Variants in KCNT1 observed in about 807,000 individuals in gnomAD.
The protein encoded by KCNT1 is potassium sodium-activated channel subfamily T member 1, also known as potassium channel subfamily T member 1.
In KCNT1, 78 loss-of-function variants were observed where a neutral mutation model predicts 147.8. The ratio of observed to expected loss-of-function variants is 0.53; its 90% confidence interval spans 0.44 to 0.64. The LOEUF is 0.64. KCNT1 is among the 30% of genes least tolerant of loss of function. The pLI, the probability that KCNT1 is intolerant of heterozygous loss-of-function variation, is 0.00. For missense variants in KCNT1, 1,419 were observed against 1,750.3 expected (o/e 0.81, Z 3.38); for synonymous variants, 867 against 748.8 (o/e 1.16, Z -2.58).
intron 2 of KCNT1, among the ~76,000 whole-genome samples, chr9:135,733,958 C>G (rs1781836162): frequency 6.6e-6 from 1 of 151,206 alleles, no homozygotes; most frequent in Non-Finnish European, 1.5e-5. Flanking sequence ...TGTCCCTCCC[C>G]CCTAGTCCTT....
Position 135,787,348 on chromosome 9 carries a change from G to A in KCNT1, c.3502+827G>A, listed in dbSNP as rs560314808. ...CCCTCACTCTAGAGATGCTACCTCC[G>A]TTGATGAAGCCATGGGCCCCAGCTC... On this transcript the variant is annotated intron_variant, in intron 29 of 30. Coordinates refer to ENST00000371757, the MANE Select transcript of KCNT1 (RefSeq NM_020822.3). 3.9e-5 allele frequency among the ~76,000 whole-genome samples: 6 copies of A among 152,270 alleles called. No homozygotes were observed. The East Asian group carries it at 5.8e-4, about 15-fold the overall frequency.
At position 135,730,401 on chromosome 9, in the gene KCNT1, T is replaced by C. The variant is rs996093256; in HGVS notation, c.254+15681T>C. ...ACGTGGTGAGGGGGATTAGCAGATA[T>C]GATTAAGTGGAGGGCCTTGAAGATG... On this transcript the variant is annotated intron_variant, in intron 2 of 30. Transcript: ENST00000371757. This position sits in a 1 kb window ranked among gnomAD's most constrained non-coding sequence, Gnocchi z 4.7. Among the ~76,000 whole-genome samples the C allele has an allele frequency of 6.6e-6, 1 of 152,036 alleles. No individual in the cohort carries two copies. The highest frequency in any genetic ancestry group is 1.5e-5 in the Non-Finnish European group (1 of 68,010).
Position 135,784,943 on chromosome 9 carries a change from C to T in KCNT1, c.3156+54C>T. On this transcript the variant is annotated intron_variant, in intron 27 of 30. Coordinates refer to ENST00000371757, the MANE Select transcript of KCNT1 (RefSeq NM_020822.3). ...GTGGCAGCCCCTGTCCTGTGTGACC[C>T]ACAGCATCCCCACCTTCCGGGGGCT... 4 of 1,585,022 alleles carry T rather than the reference C, an allele frequency of 2.5e-6. No homozygotes were observed. In the South Asian group the frequency reaches 4.5e-5, roughly 18 times the overall value.
At position 135,759,583 on chromosome 9, in the gene KCNT1, G is replaced by A. The variant is rs980836094; in HGVS notation, c.855-96G>A. ...CTGGTGATGCACAGCTCAGTCTCCT[G>A]GGCAGTGAGGGTCCCGTGGGCAGGC... is the stretch of plus-strand genomic sequence containing the variant. On this transcript the variant is annotated intron_variant, in intron 10 of 30. Transcript: ENST00000371757. 1.5e-5 allele frequency: 21 copies of A among 1,356,860 alleles called. 1 individual carries two copies. Among genetic ancestry groups the A allele is most frequent in the Admixed American group, 2.5e-5 (1 of 39,692 alleles). 84.1% of individuals were successfully genotyped at this position (1,356,860 alleles called of 1,614,324 possible). A position where few individuals can be genotyped will look rare whatever the true frequency, so the allele number is the denominator to read the frequency against.
chr9:135,726,841 GTCTC>G (rs1285997756), intron 2 of KCNT1, among the ~76,000 whole-genome samples: 1 of 26,112 alleles, frequency 3.8e-5, no homozygotes, highest in Non-Finnish European at 7.4e-5. Context: ...CTCTCTCCCT[GTCTC>G]TCTCCCTCCC....
chr9:135,774,182 GAT>G (rs1394887012), intron 19 of KCNT1, among the ~76,000 whole-genome samples: 3 of 149,966 alleles, frequency 2.0e-5, no homozygotes, highest in Non-Finnish European at 3.0e-5. Context: ...CCGTGTGTGT[GAT>G]GTGTGTCTGA....
At position 135,703,940 on chromosome 9, in the gene KCNT1, A is replaced by G. The variant is rs567544561; in HGVS notation, c.110+1572A>G. Among the ~76,000 whole-genome samples the G allele has an allele frequency of 8.1e-4, 123 of 152,290 alleles. No homozygotes were observed. In the South Asian group the frequency reaches 8.7e-3, roughly 11 times the overall value. ...CGTTGCAACAGAGATTCCCTGTCAC[A>G]CTGCAGGCAGAGCAGCCGCCGGCAG... On this transcript the variant is annotated intron_variant, in intron 1 of 30. Transcript: ENST00000371757.
Position 135,785,336 on chromosome 9 carries a change from C to T in KCNT1, c.3177+6C>T. On this transcript the variant is annotated splice_donor_region_variant and intron_variant, in intron 28 of 30. Transcript: ENST00000371757. ...CCCACGACCTCAGAGCCCAGGTAAG[C>T]AACCCCTCCGTGCCCACGCAGCTTC... 2.5e-6 allele frequency: 4 copies of T among 1,613,042 alleles called. No homozygotes were observed. Among genetic ancestry groups the T allele is most frequent in the Non-Finnish European group, 3.4e-6 (4 of 1,179,950 alleles).
intron 2 of KCNT1, among the ~76,000 whole-genome samples, chr9:135,719,209 G>A (rs1284566964): frequency 2.0e-5 from 3 of 152,212 alleles, no homozygotes; most frequent in African/African-American, 7.2e-5. Context: ...CTAAGTGAGC[G>A]TCATGGCCCT....
intron 2 of KCNT1, among the ~76,000 whole-genome samples, chr9:135,749,499 G>A (rs7852481): frequency 0.027 from 4,075 of 152,280 alleles, 171 homozygotes; most frequent in African/African-American, 0.093. Context: ...AGCGGCACTG[G>A]CTGGAGGGGC....
chr9:135,754,060 G>A (rs1831343308), intron 5 of KCNT1, 67 bp downstream of exon 5: 1 of 1,356,762 alleles, frequency 7.4e-7, no homozygotes. Flanking sequence ...GGGGTGGGAT[G>A]AGTCTCCACT....
chr9:135,786,644 G>A (rs1834077703), intron 29 of KCNT1, 123 bp downstream of exon 29: 2 of 969,850 alleles, frequency 2.1e-6, no homozygotes, highest in Non-Finnish European at 2.9e-6. Context: ...TCATCTGTCT[G>A]TCTGTCAGCC....
intron 2 of KCNT1, among the ~76,000 whole-genome samples, chr9:135,720,036 C>T (rs1041654329): frequency 7.2e-5 from 11 of 152,164 alleles, no homozygotes; most frequent in African/African-American, 2.2e-4. Context: ...GCTGGGAACA[C>T]GGGGCAGCGG....
intron 2 of KCNT1, among the ~76,000 whole-genome samples, chr9:135,732,022 A>AGAGAGAGAGAGAGAGAGAGAGAGAGG (rs1564328271): frequency 1.5e-5 from 2 of 129,430 alleles, no homozygotes; most frequent in African/African-American, 2.9e-5. Flanking sequence ...AGAGAGAGAG[A>AGAGAGAGAGAGAGAGAGAGAGAGAGG]GAGAGAGAGA....
Position 135,772,765 on chromosome 9 carries a change from G to A in KCNT1, c.2059G>A (p.Gly687Ser), listed in dbSNP as rs1156662870. ...QGTEHRPTQS[G>S]GGGGGSKLAL... ...CACAGAGCACCGGCCTACGCAGAGC[G>A]GCGGTGGGGGCGGGGGCAGCAAGCT... is the stretch of plus-strand genomic sequence containing the variant. Residue 687 changes from glycine to serine, a missense_variant, in exon 19 of 31, where the codon GGC becomes AGC. Transcript: ENST00000371757. 13 of 1,477,288 alleles carry A rather than the reference G, an allele frequency of 8.8e-6. No individual in the cohort carries two copies. Among genetic ancestry groups the A allele is most frequent in the African/African-American group, 4.2e-5 (3 of 70,904 alleles). The allele number at this position is 1,477,288 out of a possible 1,614,324, so 91.5% of individuals were successfully genotyped here.
At chr9:135,734,607 C>A (rs1830259093) in intron 2 of KCNT1, among the ~76,000 whole-genome samples, 1 of 152,176 alleles carries the variant, frequency 6.6e-6, no homozygotes. Flanking sequence ...TAACTCTCAT[C>A]CTGTACTTCA....
chr9:135,762,520 G>T (rs1831985323), intron 11 of KCNT1, among the ~76,000 whole-genome samples: 1 of 152,090 alleles, frequency 6.6e-6, no homozygotes, highest in Non-Finnish European at 1.5e-5. Flanking sequence ...GGCCGAGGTG[G>T]GTAGATCACT....
intron 23 of KCNT1, among the ~76,000 whole-genome samples, 185 bp from the exon 24 acceptor site, chr9:135,779,173 AC>A (rs1334508865): frequency 9.0e-6 from 1 of 110,512 alleles, no homozygotes; most frequent in Non-Finnish European, 1.8e-5. Flanking sequence ...CTGCCCTGAG[AC>A]CCCCCACAGC....
chr9:135,725,688 G>T (rs1207235467), intron 2 of KCNT1, among the ~76,000 whole-genome samples: 2 of 152,184 alleles, frequency 1.3e-5, no homozygotes, highest in East Asian at 1.9e-4. Flanking sequence ...AAGCCGGGGG[G>T]GCCCCAGGGG....
Sources: allele counts gnomAD v4.1 joint callset (sites outside exome capture counted in the v4.1 genomes callset), GRCh38; gene constraint gnomAD v4.1.1; non-coding constraint Gnocchi (gnomAD v3.1); transcripts MANE v1.5; gene names NCBI Gene and HGNC (gene_info 2026-07-23, HGNC 2026-07-21).